The following CENPC variants were observed in gnomAD, a reference collection of about 807,000 sequenced individuals.
CENPC encodes centromere protein C, also known as CENP-C 1.
In CENPC, 63 loss-of-function variants were observed where a neutral mutation model predicts 112.1. That is an observed-to-expected ratio of 0.56 (90% CI 0.46 to 0.69). The LOEUF (loss-of-function observed/expected upper bound fraction) is 0.69. Among genes scored for constraint, CENPC ranks in the 30% least tolerant of loss-of-function variants. CENPC has a pLI of 0.00. For synonymous variants in CENPC, 333 were observed against 367.6 expected, an observed-to-expected ratio of 0.91 and a Z score of 1.08; for missense variants, 1,000 against 1,103.8, an observed-to-expected ratio of 0.91 and a Z score of 1.33.
At chr4:67,525,876 G>A (rs1726361788) in intron 5 of CENPC, among the ~76,000 whole-genome samples, 1 of 152,196 alleles carries the variant, frequency 6.6e-6, no homozygotes, top group Admixed American at 6.5e-5. Flanking sequence ...GCACATCTGT[G>A]TTTACTGCAG....
Position 67,509,120 on chromosome 4 carries a change from G to T in CENPC, c.1613-15C>A. ...ATAAACAGGACCTGAAGGATTCAAT[G>T]ATAACCTAAAGTTAGTAAGTTTGTC... On this transcript the variant is annotated splice_polypyrimidine_tract_variant and intron_variant, in intron 9 of 18. Coordinates refer to ENST00000273853, the MANE Select transcript of CENPC (RefSeq NM_001812.4). The T allele has an allele frequency of 6.3e-7, 1 of 1,582,690 alleles. No homozygotes were observed. Among genetic ancestry groups the T allele is most frequent in the South Asian group, 1.1e-5 (1 of 88,802 alleles).
chr4:67,470,358 G>A lies in CENPC; in HGVS notation c.*2247C>T, dbSNP rs1724622198. On this transcript the variant is annotated 3_prime_UTR_variant, in exon 19 of 19. Coordinates refer to ENST00000273853, the MANE Select transcript of CENPC (RefSeq NM_001812.4). ...GGCTGAGGTGGGTGGATCACCCTGA[G>A]GTCAGGAATTCGAGACAGCCCTGGC... The A allele has an allele frequency of 1.3e-5, 2 of 152,152 alleles. No individual in the cohort carries two copies. The highest frequency in any genetic ancestry group is 6.5e-5 in the Admixed American group (1 of 15,280). 9.4% of individuals were successfully genotyped at this position (152,152 alleles called of 1,614,324 possible). A position where few individuals can be genotyped will look rare whatever the true frequency, so the allele number is the denominator to read the frequency against.
chr4:67,511,809 T>C (rs1725899376), intron 9 of CENPC, among the ~76,000 whole-genome samples: 1 of 152,172 alleles, frequency 6.6e-6, no homozygotes, highest in South Asian at 2.1e-4. Flanking sequence ...AAGCAGCTCC[T>C]GTGGGAATCC....
chr4:67,530,407 C>G (rs1353802726), intron 5 of CENPC, among the ~76,000 whole-genome samples: 1 of 150,686 alleles, frequency 6.6e-6, no homozygotes, highest in Non-Finnish European at 1.5e-5. Context: ...CAGGCACAGA[C>G]ACATACAAAC....
At chr4:67,479,149 C>A (rs1724887510) in intron 17 of CENPC, among the ~76,000 whole-genome samples, 1 of 152,116 alleles carries the variant, frequency 6.6e-6, no homozygotes, top group South Asian at 2.1e-4. Flanking sequence ...CCACTGACAG[C>A]AGTAAACAGG....
intron 1 of CENPC, among the ~76,000 whole-genome samples, chr4:67,544,813 C>T (rs1726982557): frequency 6.6e-6 from 1 of 152,136 alleles, no homozygotes; most frequent in Non-Finnish European, 1.5e-5. Flanking sequence ...TAAAAGGCCA[C>T]CATTTTGACA....
intron 16 of CENPC, among the ~76,000 whole-genome samples, chr4:67,491,445 T>TGATATA (rs1560423071): frequency 5.1e-4 from 33 of 64,158 alleles, no homozygotes; most frequent in East Asian, 2.9e-3. Flanking sequence ...TTTAAATATT[T>TGATATA]CATATATATA....
chr4:67,497,251 G>A (rs1435473419), intron 12 of CENPC, among the ~76,000 whole-genome samples: 13 of 151,700 alleles, frequency 8.6e-5, no homozygotes, highest in Non-Finnish European at 1.6e-4. Flanking sequence ...GGTGGCACAC[G>A]CCTGTAATCT....
chr4:67,482,202 T>C (rs1258612866), intron 17 of CENPC, among the ~76,000 whole-genome samples: 1 of 151,686 alleles, frequency 6.6e-6, no homozygotes, highest in Non-Finnish European at 1.5e-5. Context: ...AAAATGCAAA[T>C]CGAAACCACA....
At chr4:67,478,509 AT>A (rs943605777) in intron 17 of CENPC, among the ~76,000 whole-genome samples, 1 of 152,162 alleles carries the variant, frequency 6.6e-6, no homozygotes, top group South Asian at 2.1e-4. Flanking sequence ...GGCGAGAGAA[AT>A]CCCCACTAAC....
At chr4:67,482,737 G>A (rs1211594984) in intron 17 of CENPC, among the ~76,000 whole-genome samples, 1 of 152,204 alleles carries the variant, frequency 6.6e-6, no homozygotes, top group Non-Finnish European at 1.5e-5. Context: ...GGACTTTGAG[G>A]ACTCAGGGGG....
At chr4:67,529,785 TAGAA>T (rs535544636) in intron 5 of CENPC, among the ~76,000 whole-genome samples, 26 of 152,140 alleles carry the variant, frequency 1.7e-4, no homozygotes, top group African/African-American at 6.0e-4. Flanking sequence ...TAAAAGCTCA[TAGAA>T]AGAAAAAAGG....
chr4:67,515,044 A>G (rs1325559805), intron 7 of CENPC, among the ~76,000 whole-genome samples: 2 of 151,182 alleles, frequency 1.3e-5, no homozygotes, highest in African/African-American at 4.9e-5. Context: ...ATATAATCTT[A>G]TATTAAATTA....
At chr4:67,489,852 G>A in intron 17 of CENPC, 115 bp downstream of exon 17, 2 of 843,078 alleles carry the variant, frequency 2.4e-6, no homozygotes, top group Non-Finnish European at 3.6e-6. Flanking sequence ...CTTTCTCTGT[G>A]TGGTGTAGTA....
intron 17 of CENPC, among the ~76,000 whole-genome samples, chr4:67,475,766 T>TAA (rs1724787838): frequency 6.6e-6 from 1 of 151,144 alleles, no homozygotes; most frequent in African/African-American, 2.4e-5. Context: ...GCCTGGCTAA[T>TAA]TTTTTTTTGT....
intron 4 of CENPC, among the ~76,000 whole-genome samples, 189 bp downstream of exon 4, chr4:67,539,651 C>T (rs1726828171): frequency 6.6e-6 from 1 of 152,018 alleles, no homozygotes; most frequent in Non-Finnish European, 1.5e-5. Flanking sequence ...CCCATAATCC[C>T]AATTCCAACA....
chr4:67,540,046 C>T, intron 3 of CENPC, 112 bp from the exon 4 acceptor site: 2 of 530,926 alleles, frequency 3.8e-6, no homozygotes, highest in Non-Finnish European at 6.5e-6. Context: ...ACTCACTGAC[C>T]ACAATTAGCT....
At chr4:67,504,744 C>T (rs1048899758) in intron 12 of CENPC, among the ~76,000 whole-genome samples, 3 of 152,102 alleles carry the variant, frequency 2.0e-5, no homozygotes, top group African/African-American at 7.2e-5. Flanking sequence ...ATTGCCTGAA[C>T]CCAGGAGGTG....
At chr4:67,506,646 C>T in intron 11 of CENPC, 142 bp downstream of exon 11, 1 of 617,682 alleles carries the variant, frequency 1.6e-6, no homozygotes. Flanking sequence ...GCTAAGCCTC[C>T]CAGATTGCTG....
Sources: gnomAD v4.1 joint callset for allele counts (sites outside exome capture counted in the v4.1 genomes callset) on GRCh38, gnomAD v4.1.1 for gene constraint, MANE v1.5 for transcripts, NCBI Gene and HGNC (gene_info 2026-07-23, HGNC 2026-07-21) for gene names.